The following ATP8A2 variants were observed in gnomAD, a reference collection of about 807,000 sequenced individuals.
ATP8A2 encodes the protein ATPase phospholipid transporting 8A2, also known as phospholipid-transporting ATPase IB.
Under a neutral mutation model 165.6 loss-of-function variants are expected in ATP8A2, and 100 were observed. That is an observed-to-expected ratio of 0.60 (90% CI 0.51 to 0.71). ATP8A2 has a LOEUF of 0.71. Ranked by LOEUF, ATP8A2 falls within the 30% of genes least tolerant of loss-of-function variation. The pLI is 0.00. For missense variants in ATP8A2, 1,227 were observed against 1,479.5 expected (o/e 0.83, Z 2.80); for synonymous variants, 543 against 548.8 (o/e 0.99, Z 0.15).
chr13:25,407,572 T>C (rs1380550024), intron 1 of ATP8A2, among the ~76,000 whole-genome samples: 2 of 152,156 alleles, frequency 1.3e-5, no homozygotes, highest in Non-Finnish European at 2.9e-5. Flanking sequence ...TCCCTCCATA[T>C]TGAGGCCTAG....
At chr13:26,012,379 T>G in intron 35 of ATP8A2, 152 bp from the exon 36 acceptor site, 1 of 641,270 alleles carries the variant, frequency 1.6e-6, no homozygotes, top group Non-Finnish European at 2.7e-6. Context: ...CCAGATGGCA[T>G]CTGCTGGAAA....
chr13:26,018,180 C>G (rs1335423983), intron 36 of ATP8A2, among the ~76,000 whole-genome samples: 2 of 152,236 alleles, frequency 1.3e-5, no homozygotes, highest in African/African-American at 4.8e-5. Flanking sequence ...CCCCCCTGAG[C>G]CTTTGGGATT....
intron 35 of ATP8A2, among the ~76,000 whole-genome samples, chr13:25,991,375 G>A (rs893837073): frequency 1.2e-4 from 19 of 152,262 alleles, no homozygotes; most frequent in African/African-American, 4.1e-4. Context: ...TTACAAAACT[G>A]TAGTACAGTA....
chr13:25,762,003 T>G (rs955809029), intron 25 of ATP8A2, among the ~76,000 whole-genome samples: 1 of 152,054 alleles, frequency 6.6e-6, no homozygotes, highest in Non-Finnish European at 1.5e-5. Flanking sequence ...GGCTCATGCC[T>G]GTAATCTCAG....
At chr13:25,505,729 T>C (rs2037015622) in intron 2 of ATP8A2, among the ~76,000 whole-genome samples, 1 of 152,234 alleles carries the variant, frequency 6.6e-6, no homozygotes, top group Admixed American at 6.5e-5. Context: ...CTGGCTAGCA[T>C]GTTGATGGCT....
intron 2 of ATP8A2, among the ~76,000 whole-genome samples, chr13:25,494,993 C>T (rs1008395382): frequency 6.6e-6 from 1 of 152,200 alleles, no homozygotes; most frequent in African/African-American, 2.4e-5. Context: ...GATTCTGCTT[C>T]TTAAACTGTC....
rs1326765554 is a variant in ATP8A2, at chr13:25,809,786, T to C, written c.2680-18332T>C. 2.0e-5 allele frequency among the ~76,000 whole-genome samples: 3 copies of C among 152,134 alleles called. No homozygotes were observed. In the East Asian group the frequency reaches 5.8e-4, roughly 29 times the overall value. On this transcript the variant is annotated intron_variant, in intron 27 of 36. Coordinates refer to ENST00000381655, the MANE Select transcript of ATP8A2 (RefSeq NM_016529.6). ...TTGGAGACAAGGATCCTATCTGTCT[T>C]TCCCCCTCAATCTCCAGCTCCTGGA...
intron 33 of ATP8A2, among the ~76,000 whole-genome samples, chr13:25,946,450 G>A (rs1412941505): frequency 6.6e-6 from 1 of 152,164 alleles, no homozygotes; most frequent in African/African-American, 2.4e-5. Context: ...CAAGGTTGGG[G>A]AATTCAAGGC....
At chr13:25,871,119 T>A in intron 33 of ATP8A2, 1 of 330,302 alleles carries the variant, frequency 3.0e-6, no homozygotes, top group Non-Finnish European at 5.9e-6. Flanking sequence ...GGTTTTTTTT[T>A]TTCTTCAGAG....
intron 33 of ATP8A2, among the ~76,000 whole-genome samples, chr13:25,890,550 C>T (rs1349770144): frequency 1.3e-5 from 2 of 152,218 alleles, no homozygotes; most frequent in Admixed American, 6.5e-5. Context: ...GCAGACCAGC[C>T]TCACAATTAG....
intron 1 of ATP8A2, among the ~76,000 whole-genome samples, chr13:25,437,385 G>A (rs907748892): frequency 4.6e-5 from 7 of 152,230 alleles, no homozygotes; most frequent in Non-Finnish European, 8.8e-5. Context: ...GATGGATTTG[G>A]AACAAGGTTT....
rs73481726 is a variant in ATP8A2 at position 25,566,609 on chromosome 13, G to A, written c.1473+2578G>A. Among the ~76,000 whole-genome samples, 868 of 152,236 alleles carry A rather than the reference G, an allele frequency of 5.7e-3. 7 individuals are homozygous for A. Among genetic ancestry groups the A allele is most frequent in the African/African-American group, 0.02 (812 of 41,528 alleles). The stretch of plus-strand genomic sequence containing the variant: ...CACGAGCTTGCTTTCCTAGATCAAC[G>A]AGGAGAAAGTAGCAAAGGAAATAAG... On this transcript the variant is annotated intron_variant, in intron 16 of 36. Coordinates refer to ENST00000381655, the MANE Select transcript of ATP8A2 (RefSeq NM_016529.6).
rs1486547998 is a variant in ATP8A2 at position 26,021,011 on chromosome 13, A to G, written c.*1026A>G. 1 of 152,322 alleles carries G rather than the reference A, an allele frequency of 6.6e-6. No homozygotes were observed. The highest frequency in any genetic ancestry group is 1.5e-5 in the Non-Finnish European group (1 of 68,110). The allele number at this position is 152,322 out of a possible 1,614,324, so 9.4% of individuals were successfully genotyped here. ...TGGGCCTTTGGCATCCACTTACATT[A>G]GAACCCACGTTTGTTTCAGAGCACA... On this transcript the variant is annotated 3_prime_UTR_variant, in exon 37 of 37. Coordinates refer to ENST00000381655, the MANE Select transcript of ATP8A2 (RefSeq NM_016529.6).
In ATP8A2 at chr13:26,012,581, C is replaced by T; in HGVS notation, c.3428C>T (p.Pro1143Leu). The change falls in exon 36 of 37, where the codon CCG (proline) becomes CTG (leucine). Residue 1143 changes from proline to leucine, a missense_variant. Coordinates refer to ENST00000381655, the MANE Select transcript of ATP8A2 (RefSeq NM_016529.6). ...LIKRLGRKTP[P>L]TLFRGSSLQQ... Reference sequence around the variant, plus strand: ...AAGAGGCTGGGCCGGAAGACGCCCCCGACGCTGTTCCGGGGCAGCTCCCTG... The same window carrying T: ...AAGAGGCTGGGCCGGAAGACGCCCCTGACGCTGTTCCGGGGCAGCTCCCTG... The T allele has an allele frequency of 6.5e-7, 1 of 1,527,854 alleles. No individual in the cohort carries two copies. The highest frequency in any genetic ancestry group is 8.8e-7 in the Non-Finnish European group (1 of 1,137,784). 94.6% of individuals were successfully genotyped at this position (1,527,854 alleles called of 1,614,324 possible).
intron 27 of ATP8A2, among the ~76,000 whole-genome samples, chr13:25,779,613 T>C (rs542530158): frequency 6.6e-6 from 1 of 152,300 alleles, no homozygotes; most frequent in South Asian, 2.1e-4. Context: ...AATTACATAG[T>C]AAATGTGATT....
chr13:25,838,932 C>T (rs1288189798), intron 29 of ATP8A2, among the ~76,000 whole-genome samples: 1 of 152,130 alleles, frequency 6.6e-6, no homozygotes, highest in East Asian at 1.9e-4. Context: ...TAAACTAAAC[C>T]TTGTGTTCTT....
chr13:26,015,696 C>T (rs796455083), intron 36 of ATP8A2, among the ~76,000 whole-genome samples: 5 of 152,184 alleles, frequency 3.3e-5, no homozygotes, highest in African/African-American at 7.2e-5. Context: ...TTCACCTACA[C>T]GATTCTGTTC....
At chr13:25,987,287 A>G (rs1172716037) in intron 35 of ATP8A2, among the ~76,000 whole-genome samples, 3 of 152,194 alleles carry the variant, frequency 2.0e-5, no homozygotes, top group Non-Finnish European at 4.4e-5. Context: ...GGACAGCCTC[A>G]CTTTGTGGAG....
At chr13:25,598,867 GC>G (rs2040306297) in intron 24 of ATP8A2, among the ~76,000 whole-genome samples, 1 of 151,968 alleles carries the variant, frequency 6.6e-6, no homozygotes, top group South Asian at 2.1e-4. Context: ...TTGTGTTTTG[GC>G]AGGCAGTTAC....
Sources: gnomAD v4.1 joint callset for allele counts (sites outside exome capture counted in the v4.1 genomes callset) on GRCh38, gnomAD v4.1.1 for gene constraint, MANE v1.5 for transcripts, NCBI Gene and HGNC (gene_info 2026-07-23, HGNC 2026-07-21) for gene names.